SOX6: variants seen among roughly 807,000 people sequenced by gnomAD.
SOX6 encodes the protein SRY-box transcription factor 6, also known as transcription factor SOX-6.
A neutral mutation model predicts 97.8 loss-of-function variants in SOX6; 11 were observed. That is an observed-to-expected ratio of 0.11 (90% CI 0.07 to 0.19). The LOEUF (loss-of-function observed/expected upper bound fraction) is 0.19, where lower values mean the gene tolerates loss of function less well. Ranked by LOEUF, SOX6 falls within the 10% of genes least tolerant of loss-of-function variation. The pLI, the probability that SOX6 is intolerant of heterozygous loss-of-function variation, is 1.00. For missense variants in SOX6, 810 were observed against 1,039.5 expected (o/e 0.78, Z 3.04); for synonymous variants, 360 against 371.4 (o/e 0.97, Z 0.35).
chr11:16,071,442 C>T (rs1198299974), intron 9 of SOX6, among the ~76,000 whole-genome samples: 1 of 152,202 alleles, frequency 6.6e-6, no homozygotes, highest in Non-Finnish European at 1.5e-5. Context: ...TACTCAACCC[C>T]ACCTCTTGTA....
chr11:16,204,650 C>T (rs1178081880), intron 4 of SOX6, among the ~76,000 whole-genome samples: 1 of 152,036 alleles, frequency 6.6e-6, no homozygotes, highest in African/African-American at 2.4e-5. Flanking sequence ...CTGGTTCAAC[C>T]GTGATTAATC....
At chr11:16,326,341 C>T (rs1423077246) in intron 2 of SOX6, among the ~76,000 whole-genome samples, 1 of 152,068 alleles carries the variant, frequency 6.6e-6, no homozygotes, top group Non-Finnish European at 1.5e-5. Flanking sequence ...AAAAATATGT[C>T]ACCAACAACT....
At chr11:16,361,455 G>A (rs1857209920), upstream of SOX6, among the ~76,000 whole-genome samples, 1 of 152,146 alleles carries the variant, frequency 6.6e-6, no homozygotes, top group South Asian at 2.1e-4. Flanking sequence ...AGAGCAGCAG[G>A]TACAAAAGTG....
intron 6 of SOX6, among the ~76,000 whole-genome samples, chr11:16,183,630 A>C (rs1222020784): frequency 1.3e-5 from 2 of 152,040 alleles, no homozygotes; most frequent in Non-Finnish European, 2.9e-5. Flanking sequence ...GGTTCCCAGT[A>C]AGTAGTGTTA....
chr11:16,425,167 C>T (rs1399567279), intron 1 of SOX6, among the ~76,000 whole-genome samples: 2 of 152,128 alleles, frequency 1.3e-5, no homozygotes, highest in Non-Finnish European at 2.9e-5. Context: ...TCTTCATTCC[C>T]TTTGGACTGG....
At chr11:16,512,795 A>T (rs891915512) in intron 4 of SOX6, among the ~76,000 whole-genome samples, 3 of 152,206 alleles carry the variant, frequency 2.0e-5, no homozygotes, top group Non-Finnish European at 2.9e-5. Flanking sequence ...AATGTAAAAA[A>T]CTCAAGTAAA....
chr11:16,314,505 G>A (rs1454625478), intron 3 of SOX6: 1 of 152,000 alleles, frequency 6.6e-6, no homozygotes, highest in Admixed American at 6.6e-5. Flanking sequence ...TCTCTTACTG[G>A]AATATGAATT....
intron 6 of SOX6, among the ~76,000 whole-genome samples, chr11:16,132,483 AG>A (rs1849837561): frequency 2.0e-5 from 3 of 148,498 alleles, no homozygotes; most frequent in African/African-American, 5.0e-5. Context: ...AAAGAAAGAA[AG>A]AAAGAAAGAA....
chr11:16,255,462 C>T (rs957709901), intron 3 of SOX6, among the ~76,000 whole-genome samples: 3 of 151,990 alleles, frequency 2.0e-5, no homozygotes, highest in African/African-American at 7.2e-5. Context: ...GCTGGAATAA[C>T]CCAAAATACA....
chr11:16,436,599 C>A (rs112642162), intron 1 of SOX6, among the ~76,000 whole-genome samples: 14 of 152,280 alleles, frequency 9.2e-5, no homozygotes, highest in African/African-American at 1.4e-4. Flanking sequence ...CTCTGTCATC[C>A]ACCAACTCGG....
chr11:16,493,168 A>G (rs1860537554), intron 4 of SOX6, among the ~76,000 whole-genome samples: 1 of 152,246 alleles, frequency 6.6e-6, no homozygotes, highest in Non-Finnish European at 1.5e-5. Flanking sequence ...TGCATTATTC[A>G]TATTAGTCCC....
Position 16,567,877 on chromosome 11 carries a change from A to AT in SOX6, n.609+44203dup, listed in dbSNP as rs144410415. ...GGTGTGAGCCACTGCACCTGGCCAT[A>AT]TTTTTTTTTTTTTTACTGTTAAGAA... is the stretch of plus-strand genomic sequence containing the variant. On this transcript the variant is annotated intron_variant and non_coding_transcript_variant, in intron 4 of 5. Transcript: ENST00000524520. 3.4e-3 allele frequency among the ~76,000 whole-genome samples: 486 copies of AT among 141,696 alleles called. 3 individuals are homozygous for AT. Among genetic ancestry groups the AT allele is most frequent in the African/African-American group, 9.2e-3 (356 of 38,574 alleles). The allele number at this position is 141,696 out of a possible 152,430, so 93.0% of individuals were successfully genotyped here.
intron 1 of SOX6, among the ~76,000 whole-genome samples, chr11:16,377,729 A>C (rs932876255): frequency 6.6e-6 from 1 of 152,184 alleles, no homozygotes; most frequent in African/African-American, 2.4e-5. Flanking sequence ...CAGAAGAGTC[A>C]GGATTTTACT....
At chr11:16,653,654 T>A (rs943662565) in intron 3 of SOX6, among the ~76,000 whole-genome samples, 8 of 152,118 alleles carry the variant, frequency 5.3e-5, no homozygotes, top group African/African-American at 1.7e-4. Context: ...GATAAAGCAC[T>A]ACACATTAGG....
At position 15,968,171 on chromosome 11, in the gene SOX6, G is replaced by C. The variant is rs1282551549; in HGVS notation, c.*4638C>G. Reference sequence around the variant, plus strand: ...GATGACTTAAGGAAATGATGCAAGTGCTTTTGTGAAAGGACAAATGAGGTC... The same window carrying C: ...GATGACTTAAGGAAATGATGCAAGTCCTTTTGTGAAAGGACAAATGAGGTC... On this transcript the variant is annotated 3_prime_UTR_variant, in exon 16 of 16. Coordinates refer to ENST00000683767, the MANE Select transcript of SOX6 (RefSeq NM_001367873.1). 1 of 152,156 alleles carries C rather than the reference G, an allele frequency of 6.6e-6. No individual in the cohort carries two copies. The highest frequency in any genetic ancestry group is 2.4e-5 in the African/African-American group (1 of 41,420). 9.4% of individuals were successfully genotyped at this position (152,156 alleles called of 1,614,324 possible).
At chr11:16,657,835 T>C (rs1847735321) in intron 3 of SOX6, among the ~76,000 whole-genome samples, 1 of 152,216 alleles carries the variant, frequency 6.6e-6, no homozygotes, top group Admixed American at 6.5e-5. Flanking sequence ...TTTGTTTTCT[T>C]ACTGCTGTAT....
At chr11:16,033,604 C>G (rs1294353660) in intron 12 of SOX6, among the ~76,000 whole-genome samples, 1 of 152,178 alleles carries the variant, frequency 6.6e-6, no homozygotes, top group Non-Finnish European at 1.5e-5. Context: ...GGCGCAGTGG[C>G]TCACACCTGT....
intron 1 of SOX6, among the ~76,000 whole-genome samples, chr11:16,345,425 A>G (rs1157473656): frequency 2.0e-5 from 3 of 152,144 alleles, no homozygotes; most frequent in East Asian, 3.9e-4. Context: ...CATTGGGAAG[A>G]ACTTCGGGCT....
At chr11:16,100,574 C>T (rs564719154) in intron 7 of SOX6, among the ~76,000 whole-genome samples, 1 of 151,520 alleles carries the variant, frequency 6.6e-6, no homozygotes, top group Admixed American at 6.6e-5. Flanking sequence ...AGCAAGAGTC[C>T]CTAAATGAGA....
Sources: gnomAD v4.1 joint callset for allele counts (sites outside exome capture counted in the v4.1 genomes callset) on GRCh38, gnomAD v4.1.1 for gene constraint, MANE v1.5 for transcripts, NCBI Gene and HGNC (gene_info 2026-07-23, HGNC 2026-07-21) for gene names.